Variants in OR8I2 observed in about 807,000 individuals in gnomAD.
OR8I2 encodes olfactory receptor 8I2.
For synonymous variants in OR8I2, 158 were observed against 142.8 expected (o/e 1.11, Z -0.76); for missense variants, 431 against 368.3 (o/e 1.17, Z -1.39).
chr11:56,093,548 G>T lies in OR8I2; in HGVS notation c.241G>T (p.Ala81Ser). Residue 81 changes from alanine (A) to serine (S), a missense_variant, in exon 1 of 1, where the codon GCA becomes TCA. Transcript: ENST00000302124. ...IFYSSTVTPK[A>S]LVNFQSNRRS... Reference sequence around the variant, plus strand: ...TTACTCCTCTACTGTAACACCTAAGGCATTGGTGAATTTCCAATCCAATCG... The same window carrying T: ...TTACTCCTCTACTGTAACACCTAAGTCATTGGTGAATTTCCAATCCAATCG... The T allele has an allele frequency of 6.2e-7, 1 of 1,613,906 alleles. No individual in the cohort carries two copies. The highest frequency in any genetic ancestry group is 8.5e-7 in the Non-Finnish European group (1 of 1,179,942).
At position 56,093,804 on chromosome 11, in the gene OR8I2, T is replaced by C. The variant is rs775574111; in HGVS notation, c.497T>C (p.Leu166Ser). Residue 166 changes from leucine to serine, a missense_variant, in exon 1 of 1, where the codon TTG (leucine) becomes TCG (serine). By Grantham distance (145) the Leu-to-Ser change is moderately radical. Coordinates refer to ENST00000302124, the MANE Select transcript of OR8I2 (RefSeq NM_001003750.1). Reference sequence around the variant, plus strand: ...ATATCTGTCTGGGTGATAAGCAGTTTGGCGTTCTGTGATTCCAGCATCAAT... The same window carrying C: ...ATATCTGTCTGGGTGATAAGCAGTTCGGCGTTCTGTGATTCCAGCATCAAT... ...SLISVWVISS[L>S]AFCDSSINHF... 3.0e-5 allele frequency: 49 copies of C among 1,613,620 alleles called. No individual in the cohort carries two copies. The Admixed American group carries it at 8.0e-4, about 26-fold the overall frequency.
Position 56,093,708 on chromosome 11 carries a change from T to C in OR8I2, c.401T>C (p.Val134Ala), listed in dbSNP as rs1293068279. 3 of 1,614,010 alleles carry C rather than the reference T, an allele frequency of 1.9e-6. No individual in the cohort carries two copies. The highest frequency in any genetic ancestry group is 2.5e-6 in the Non-Finnish European group (3 of 1,179,942). The change falls in exon 1 of 1, where the codon GTA becomes GCA. Residue 134 changes from valine to alanine, a missense_variant. Val to Ala is a moderately conservative substitution (Grantham distance 64, BLOSUM62 0). Coordinates refer to ENST00000302124, the MANE Select transcript of OR8I2 (RefSeq NM_001003750.1). ...ATCTGCAATCCCTTACTGTATTCAG[T>C]AGTCATGTCCCAAAAAGTGTCCAAC... is the stretch of plus-strand genomic sequence containing the variant. Reference protein sequence around the residue: ...IAICNPLLYSVVMSQKVSNWL... With the variant: ...IAICNPLLYSAVMSQKVSNWL...
Position 56,094,033 on chromosome 11 carries a change from C to T in OR8I2, c.726C>T (p.Ser242=), listed in dbSNP as rs374112902. Residue 242 remains serine (S), a synonymous_variant, in exon 1 of 1, where the codon TCC becomes TCT. Coordinates refer to ENST00000302124, the MANE Select transcript of OR8I2 (RefSeq NM_001003750.1). ...GRQKAFSTCA[S]HLMAVTIFYG... ...AGAAGGCCTTCTCCACCTGCGCATC[C>T]CACCTCATGGCTGTAACTATCTTTT... 4 of 1,613,986 alleles carry T rather than the reference C, an allele frequency of 2.5e-6. No homozygotes were observed. In the South Asian group the frequency reaches 3.3e-5, roughly 13 times the overall value.
Position 56,093,598 on chromosome 11 carries a change from C to T in OR8I2, c.291C>T (p.Cys97=), listed in dbSNP as rs560401423. The change falls in exon 1 of 1, where the codon TGC becomes TGT. Residue 97 remains cysteine, a synonymous_variant. Coordinates refer to ENST00000302124, the MANE Select transcript of OR8I2 (RefSeq NM_001003750.1). ...GGAGATCCATCTCCTTTGTTGGCTG[C>T]TTTGTTCAAATGTACTTTTTTGTTG... ...SNRRSISFVG[C]FVQMYFFVGL... 1 of 1,613,970 alleles carries T rather than the reference C, an allele frequency of 6.2e-7. No homozygotes were observed. Among genetic ancestry groups the T allele is most frequent in the Non-Finnish European group, 8.5e-7 (1 of 1,179,976 alleles).
In OR8I2 at chr11:56,093,807, C is replaced by CTTATCT. The variant is rs1853914409; in HGVS notation, c.500_501insTTATCT (p.Ala167_Phe168insTyrLeu). 2 of 1,613,714 alleles carry CTTATCT rather than the reference C, an allele frequency of 1.2e-6. No individual in the cohort carries two copies. Among genetic ancestry groups the CTTATCT allele is most frequent in the African/African-American group, 2.7e-5 (2 of 74,890 alleles). On this transcript the variant is annotated inframe_insertion, in exon 1 of 1. Coordinates refer to ENST00000302124, the MANE Select transcript of OR8I2 (RefSeq NM_001003750.1). ...TCTGTCTGGGTGATAAGCAGTTTGG[C>CTTATCT]GTTCTGTGATTCCAGCATCAATCAT...
chr11:56,093,830 CAT>C lies in OR8I2; in HGVS notation c.524_525del (p.His175LeufsTer4). The C allele has an allele frequency of 1.9e-6, 3 of 1,613,970 alleles. No individual in the cohort carries two copies. The highest frequency in any genetic ancestry group is 2.5e-6 in the Non-Finnish European group (3 of 1,179,930). On this transcript the variant is annotated frameshift_variant, in exon 1 of 1. Coordinates refer to ENST00000302124, the MANE Select transcript of OR8I2 (RefSeq NM_001003750.1). LOFTEE classifies it low-confidence loss of function (END_TRUNC). The stretch of plus-strand genomic sequence containing the variant: ...GGCGTTCTGTGATTCCAGCATCAAT[CAT>C]TTTTTTTGTGACACCACAGCTCTTT... ...SLAFCDSSINHFFCDTTALLA... is the reference protein window; with the variant it reads ...SLAFCDSSINXFFCDTTALLA...
rs754445015 is a variant in OR8I2, at chr11:56,093,478, C to T, written c.171C>T (p.Thr57=). ...TLIRMDSQLH[T]PMYFFLSNLA... ...TCAGAATGGATTCTCAGCTTCACAC[C>T]CCTATGTACTTTTTCCTGAGCAATT... Residue 57 remains threonine (T), a synonymous_variant, in exon 1 of 1, where the codon ACC becomes ACT. Transcript: ENST00000302124. 1 of 1,613,784 alleles carries T rather than the reference C, an allele frequency of 6.2e-7. No homozygotes were observed. Among genetic ancestry groups the T allele is most frequent in the Non-Finnish European group, 8.5e-7 (1 of 1,179,874 alleles).
chr11:56,094,159 G>A lies in OR8I2; in HGVS notation c.852G>A (p.Leu284=). Residue 284 remains leucine (L), a synonymous_variant, in exon 1 of 1, where the codon CTG becomes CTA. Coordinates refer to ENST00000302124, the MANE Select transcript of OR8I2 (RefSeq NM_001003750.1). ...TCTATACGATTGTCATTCCCATGCTGAATCCACTCATCTACAGTCTGAGGA... is the reference window on the plus strand; with the variant it reads ...TCTATACGATTGTCATTCCCATGCTAAATCCACTCATCTACAGTCTGAGGA... ...SVFYTIVIPM[L]NPLIYSLRNK... 6.2e-7 allele frequency: 1 copy of A among 1,611,736 alleles called. No homozygotes were observed. Among genetic ancestry groups the A allele is most frequent in the South Asian group, 1.1e-5 (1 of 91,036 alleles).
In OR8I2 at chr11:56,094,037, C is replaced by A. The variant is rs1565043841; in HGVS notation, c.730C>A (p.Leu244Ile). The A allele has an allele frequency of 6.2e-7, 1 of 1,614,022 alleles. No homozygotes were observed. The highest frequency in any genetic ancestry group is 2.2e-5 in the East Asian group (1 of 44,872). Residue 244 changes from leucine to isoleucine, a missense_variant, in exon 1 of 1, where the codon CTC becomes ATC. Physicochemically the swap from Leu to Ile is conservative, Grantham distance 5 (BLOSUM62 2). Transcript: ENST00000302124. ...QKAFSTCASH[L>I]MAVTIFYGSL... ...GGCCTTCTCCACCTGCGCATCCCAC[C>A]TCATGGCTGTAACTATCTTTTATGG...
rs1173017676 is a variant in OR8I2, at chr11:56,094,185, A to G, written c.878A>G (p.Asn293Ser). The change falls in exon 1 of 1, where the codon AAC (asparagine) becomes AGC (serine). Residue 293 changes from asparagine to serine, a missense_variant. Transcript: ENST00000302124. ...MLNPLIYSLR[N>S]KDVKNALLRV... Reference sequence around the variant, plus strand: ...AATCCACTCATCTACAGTCTGAGGAACAAAGATGTGAAAAATGCTCTTCTG... The same window carrying G: ...AATCCACTCATCTACAGTCTGAGGAGCAAAGATGTGAAAAATGCTCTTCTG... 3 of 1,607,076 alleles carry G rather than the reference A, an allele frequency of 1.9e-6. No homozygotes were observed. Among genetic ancestry groups the G allele is most frequent in the African/African-American group, 1.3e-5 (1 of 74,714 alleles).
rs138372442 is a variant in OR8I2 at position 56,093,801 on chromosome 11, GT to G, written c.497del (p.Leu166TrpfsTer19). ...SSLISVWVISSLAFCDSSINH... is the reference protein window; with the variant it reads ...SSLISVWVISXLAFCDSSINH... ...CTGATATCTGTCTGGGTGATAAGCAGTTTGGCGTTCTGTGATTCCAGCATCA... is the reference window on the plus strand; with the variant it reads ...CTGATATCTGTCTGGGTGATAAGCAGTTGGCGTTCTGTGATTCCAGCATCA... On this transcript the variant is annotated frameshift_variant, in exon 1 of 1. Transcript: ENST00000302124. LOFTEE classifies it low-confidence loss of function (END_TRUNC). 0.074 allele frequency: 119,011 copies of G among 1,613,156 alleles called. 4,981 individuals carry two copies. The highest frequency in any genetic ancestry group is 0.082 in the Non-Finnish European group (97,092 of 1,179,192).
At position 56,093,448 on chromosome 11, in the gene OR8I2, GT is replaced by G. The variant is rs1183297148; in HGVS notation, c.143del (p.Leu48Ter). 7 of 1,613,706 alleles carry G rather than the reference GT, an allele frequency of 4.3e-6. No individual in the cohort carries two copies. The highest frequency in any genetic ancestry group is 5.9e-6 in the Non-Finnish European group (7 of 1,179,860). On this transcript the variant is annotated frameshift_variant, in exon 1 of 1. Coordinates refer to ENST00000302124, the MANE Select transcript of OR8I2 (RefSeq NM_001003750.1). LOFTEE classifies it low-confidence loss of function (END_TRUNC). ...TTTTGGGAAACCTGGGACTGATCAC[GT>G]TAATCAGAATGGATTCTCAGCTTCA... ...TVLGNLGLITLIRMDSQLHTP... is the reference protein window; with the variant it reads ...TVLGNLGLITXIRMDSQLHTP...
rs771811405 is a variant in OR8I2 at position 56,094,172 on chromosome 11, T to C, written c.865T>C (p.Tyr289His). 5 of 1,610,870 alleles carry C rather than the reference T, an allele frequency of 3.1e-6. No individual in the cohort carries two copies. Among genetic ancestry groups the C allele is most frequent in the South Asian group, 1.1e-5 (1 of 91,028 alleles). The change falls in exon 1 of 1, where the codon TAC (tyrosine) becomes CAC (histidine). Residue 289 changes from tyrosine to histidine, a missense_variant. Transcript: ENST00000302124. Reference sequence around the variant, plus strand: ...CATTCCCATGCTGAATCCACTCATCTACAGTCTGAGGAACAAAGATGTGAA... The same window carrying C: ...CATTCCCATGCTGAATCCACTCATCCACAGTCTGAGGAACAAAGATGTGAA... The part of the protein sequence containing the change: ...IVIPMLNPLI[Y>H]SLRNKDVKNA...
At position 56,093,900 on chromosome 11, in the gene OR8I2, G is replaced by T. The variant is rs1853916215; in HGVS notation, c.593G>T (p.Ser198Ile). The T allele has an allele frequency of 6.2e-7, 1 of 1,612,176 alleles. No homozygotes were observed. The highest frequency in any genetic ancestry group is 8.5e-7 in the Non-Finnish European group (1 of 1,179,444). Reference sequence around the variant, plus strand: ...GATACATTCGGCACAGAAATGGTGAGCTTTGTCTTAGCTGGATTCACTCTT... The same window carrying T: ...GATACATTCGGCACAGAAATGGTGATCTTTGTCTTAGCTGGATTCACTCTT... Reference protein sequence around the residue: ...CVDTFGTEMVSFVLAGFTLLS... With the variant: ...CVDTFGTEMVIFVLAGFTLLS... Residue 198 changes from serine (S) to isoleucine (I), a missense_variant, in exon 1 of 1, where the codon AGC (serine) becomes ATC (isoleucine). Coordinates refer to ENST00000302124, the MANE Select transcript of OR8I2 (RefSeq NM_001003750.1).
At position 56,093,824 on chromosome 11, in the gene OR8I2, A is replaced by G. The variant is rs146622884; in HGVS notation, c.517A>G (p.Ile173Val). Residue 173 changes from isoleucine to valine, a missense_variant, in exon 1 of 1, where the codon ATC (isoleucine) becomes GTC (valine). By Grantham distance (29) the Ile-to-Val change is conservative. Transcript: ENST00000302124. ...ISSLAFCDSS[I>V]NHFFCDTTAL... ...CAGTTTGGCGTTCTGTGATTCCAGC[A>G]TCAATCATTTTTTTTGTGACACCAC... 4.3e-6 allele frequency: 7 copies of G among 1,612,990 alleles called. No individual in the cohort carries two copies. The African/African-American group carries it at 9.4e-5, about 22-fold the overall frequency.
chr11:56,093,743 G>A lies in OR8I2; in HGVS notation c.436G>A (p.Val146Ile), dbSNP rs2134652827. The stretch of plus-strand genomic sequence containing the variant: ...CCAAAAAGTGTCCAACTGGCTGGGA[G>A]TAATGCCATATGTGATAGGCTTCAC... ...MSQKVSNWLGVMPYVIGFTSS... is the reference protein window; with the variant it reads ...MSQKVSNWLGIMPYVIGFTSS... The change falls in exon 1 of 1, where the codon GTA (valine) becomes ATA (isoleucine). Residue 146 changes from valine to isoleucine, a missense_variant. Val to Ile is a conservative substitution (Grantham distance 29, BLOSUM62 3). Coordinates refer to ENST00000302124, the MANE Select transcript of OR8I2 (RefSeq NM_001003750.1). 1.2e-6 allele frequency: 2 copies of A among 1,614,020 alleles called. No homozygotes were observed. Among genetic ancestry groups the A allele is most frequent in the Non-Finnish European group, 1.7e-6 (2 of 1,179,952 alleles).
rs1466141363 is a variant in OR8I2, at chr11:56,093,753, A to G, written c.446A>G (p.Tyr149Cys). The G allele has an allele frequency of 1.2e-6, 2 of 1,613,902 alleles. No individual in the cohort carries two copies. Among genetic ancestry groups the G allele is most frequent in the Non-Finnish European group, 1.7e-6 (2 of 1,179,950 alleles). Reference sequence around the variant, plus strand: ...TCCAACTGGCTGGGAGTAATGCCATATGTGATAGGCTTCACAAGCTCGCTG... The same window carrying G: ...TCCAACTGGCTGGGAGTAATGCCATGTGTGATAGGCTTCACAAGCTCGCTG... ...KVSNWLGVMP[Y>C]VIGFTSSLIS... The change falls in exon 1 of 1, where the codon TAT becomes TGT. Residue 149 changes from tyrosine (Y) to cysteine (C), a missense_variant. Physicochemically the swap from Tyr to Cys is radical, Grantham distance 194 (BLOSUM62 -2). Coordinates refer to ENST00000302124, the MANE Select transcript of OR8I2 (RefSeq NM_001003750.1).
At position 56,093,651 on chromosome 11, in the gene OR8I2, T is replaced by C; in HGVS notation, c.344T>C (p.Leu115Pro). The C allele has an allele frequency of 6.2e-7, 1 of 1,614,002 alleles. No individual in the cohort carries two copies. The highest frequency in any genetic ancestry group is 8.5e-7 in the Non-Finnish European group (1 of 1,179,978). Residue 115 changes from leucine to proline, a missense_variant, in exon 1 of 1, where the codon CTG becomes CCG. Physicochemically the swap from Leu to Pro is moderately conservative, Grantham distance 98 (BLOSUM62 -3). Transcript: ENST00000302124. ...TTGGTGTGTTGTGAGTGTTTCCTTC[T>C]GGGATCAATGGCCTACAATCGCTAC... ...VGLVCCECFL[L>P]GSMAYNRYIA...
In OR8I2 at chr11:56,093,497, A is replaced by G; in HGVS notation, c.190A>G (p.Ser64Gly). The G allele has an allele frequency of 6.2e-7, 1 of 1,613,806 alleles. No homozygotes were observed. Among genetic ancestry groups the G allele is most frequent in the African/African-American group, 1.3e-5 (1 of 74,980 alleles). The stretch of plus-strand genomic sequence containing the variant: ...TCACACCCCTATGTACTTTTTCCTG[A>G]GCAATTTAGCATTTATTGACATATT... ...QLHTPMYFFL[S>G]NLAFIDIFYS... Residue 64 changes from serine (S) to glycine (G), a missense_variant, in exon 1 of 1, where the codon AGC becomes GGC. Physicochemically the swap from Ser to Gly is moderately conservative, Grantham distance 56. Transcript: ENST00000302124.
Sources: gnomAD v4.1 joint callset for allele counts on GRCh38, gnomAD v4.1.1 for gene constraint, MANE v1.5 for transcripts, NCBI Gene and HGNC (gene_info 2026-07-23, HGNC 2026-07-21) for gene names.